RANGAP1: variants seen among roughly 807,000 people sequenced by gnomAD.
RANGAP1 encodes the protein ran GTPase-activating protein 1.
Under a neutral mutation model 63.5 loss-of-function variants are expected in RANGAP1, and 38 were observed. The ratio of observed to expected loss-of-function variants is 0.60; its 90% CI spans 0.46 to 0.78. The LOEUF is 0.78. Ranked by LOEUF, RANGAP1 falls within the 30% of genes least tolerant of loss-of-function variation. RANGAP1 has a pLI of 0.00. For missense variants in RANGAP1, 630 were observed against 740.3 expected (o/e 0.85, Z 1.73); for synonymous variants, 329 against 310.5 (o/e 1.06, Z -0.63).
the RANGAP1 span, among the ~76,000 whole-genome samples, chr22:41,293,011 G>A: frequency 2.6e-5 from 4 of 151,788 alleles, no homozygotes; most frequent in Admixed American, 6.6e-5. Context: ...CGAGGCGGGC[G>A]GATCACGAGG....
Position 41,246,592 on chromosome 22 carries a change from A to G in RANGAP1, c.*11T>C. Reference sequence around the variant, plus strand: ...ACTGGTCCAGGCCAAGGGATGGGAGAGGCTTTGAGTCTAGACCTTGTACAG... The same window carrying G: ...ACTGGTCCAGGCCAAGGGATGGGAGGGGCTTTGAGTCTAGACCTTGTACAG... On this transcript the variant is annotated 3_prime_UTR_variant, in exon 16 of 16. Coordinates refer to ENST00000356244, the MANE Select transcript of RANGAP1 (RefSeq NM_002883.4). The G allele has an allele frequency of 6.5e-7, 1 of 1,549,864 alleles. No individual in the cohort carries two copies. Among genetic ancestry groups the G allele is most frequent in the Non-Finnish European group, 8.8e-7 (1 of 1,139,062 alleles).
At chr22:41,279,035 C>T (rs2145838127) in intron 2 of RANGAP1, among the ~76,000 whole-genome samples, 1 of 152,304 alleles carries the variant, frequency 6.6e-6, no homozygotes, top group East Asian at 1.9e-4. Context: ...CCCAGCTACT[C>T]AGGAGGATGA....
chr22:41,251,192 G>T, intron 12 of RANGAP1, 83 bp from the exon 13 acceptor site: 2 of 1,114,568 alleles, frequency 1.8e-6, no homozygotes, highest in Non-Finnish European at 1.3e-6. Flanking sequence ...GAGAGGCCTG[G>T]GCAGTACAAA....
chr22:41,266,888 C>CTTTTTTTTTTTTTT (rs139523), intron 4 of RANGAP1, among the ~76,000 whole-genome samples: 1 of 137,130 alleles, frequency 7.3e-6, no homozygotes, highest in Non-Finnish European at 1.5e-5. Context: ...AATGAATTTC[C>CTTTTTTTTTTTTTT]TTTTTTTTTT....
chr22:41,272,092 C>A (rs941613112), intron 3 of RANGAP1, among the ~76,000 whole-genome samples: 4 of 152,214 alleles, frequency 2.6e-5, no homozygotes, highest in Non-Finnish European at 5.9e-5. Flanking sequence ...GAGCTGCACG[C>A]AGGGCAAGGC....
chr22:41,272,165 C>A (rs2034877491), intron 3 of RANGAP1, among the ~76,000 whole-genome samples: 1 of 152,196 alleles, frequency 6.6e-6, no homozygotes, highest in South Asian at 2.1e-4. Context: ...GCAAGCTCAG[C>A]TCCTGCTGAG....
At chr22:41,261,774 T>TG (rs202017005) in intron 5 of RANGAP1, among the ~76,000 whole-genome samples, 194 bp from the exon 6 acceptor site, 3,272 of 152,302 alleles carry the variant, frequency 0.021, 93 homozygotes, top group African/African-American at 0.074. Flanking sequence ...TTTTTATCTC[T>TG]AATGCTGTGT....
At chr22:41,294,661 G>A in the RANGAP1 span, among the ~76,000 whole-genome samples, 6 of 141,530 alleles carry the variant, frequency 4.2e-5, no homozygotes, top group African/African-American at 1.6e-4. Flanking sequence ...ATCTCTGCCC[G>A]GCCGCCCATC....
chr22:41,299,420 C>T, the RANGAP1 span, among the ~76,000 whole-genome samples: 1 of 152,074 alleles, frequency 6.6e-6, no homozygotes, highest in Non-Finnish European at 1.5e-5. Context: ...GCCTGAGCCA[C>T]CGCGCCCGGC....
At chr22:41,266,193 C>G (rs1323311624) in intron 4 of RANGAP1, among the ~76,000 whole-genome samples, 2 of 141,626 alleles carry the variant, frequency 1.4e-5, no homozygotes, top group Admixed American at 7.7e-5. Flanking sequence ...CAGAGTGAGA[C>G]TCCGCCTCAA....
At chr22:41,253,946 A>G (rs964331912) in intron 11 of RANGAP1, among the ~76,000 whole-genome samples, 1 of 152,004 alleles carries the variant, frequency 6.6e-6, no homozygotes, top group Non-Finnish European at 1.5e-5. Context: ...CGGCTCTACT[A>G]AAGATACAAA....
chr22:41,300,417 G>A, the RANGAP1 span, among the ~76,000 whole-genome samples: 29 of 104,994 alleles, frequency 2.8e-4, no homozygotes, highest in African/African-American at 1.0e-3. Flanking sequence ...TGCCTAGGGG[G>A]TATTGGGAAC....
At chr22:41,291,844 T>C in the RANGAP1 span, among the ~76,000 whole-genome samples, 1 of 151,368 alleles carries the variant, frequency 6.6e-6, no homozygotes. Flanking sequence ...GAGCTTGCAG[T>C]GAGCCGAGAT....
Position 41,254,303 on chromosome 22 carries a change from C to T in RANGAP1, c.1260+5G>A. ...CTCTGATTGTGGCAGATGATAGAAACTCACCCCAGTGTTAGGGTCCAGAAT... is the reference window on the plus strand; with the variant it reads ...CTCTGATTGTGGCAGATGATAGAAATTCACCCCAGTGTTAGGGTCCAGAAT... On this transcript the variant is annotated splice_donor_5th_base_variant and intron_variant, in intron 11 of 15. Transcript: ENST00000356244. The T allele has an allele frequency of 1.9e-6, 3 of 1,614,060 alleles. No individual in the cohort carries two copies. The highest frequency in any genetic ancestry group is 2.5e-6 in the Non-Finnish European group (3 of 1,179,996).
chr22:41,282,911 C>A (rs926172156), intron 1 of RANGAP1, among the ~76,000 whole-genome samples: 1 of 152,166 alleles, frequency 6.6e-6, no homozygotes, highest in Non-Finnish European at 1.5e-5. Context: ...CTAGGGGGTG[C>A]TATCCGAAAG....
At chr22:41,261,395 T>C (rs1467476622) in intron 6 of RANGAP1, 51 bp downstream of exon 6, 5 of 1,610,948 alleles carry the variant, frequency 3.1e-6, no homozygotes, top group African/African-American at 2.7e-5. Flanking sequence ...CAGCCTACTA[T>C]GCCGAGTGCA....
intron 2 of RANGAP1, among the ~76,000 whole-genome samples, chr22:41,279,004 G>A (rs1415224453): frequency 7.9e-5 from 12 of 152,332 alleles, no homozygotes; most frequent in South Asian, 2.1e-4. Flanking sequence ...TTAGCCGGGC[G>A]TGGTGGCGGG....
In RANGAP1 at chr22:41,249,394, G is replaced by T; in HGVS notation, c.1630C>A (p.His544Asn). 1 of 1,614,094 alleles carries T rather than the reference G, an allele frequency of 6.2e-7. No individual in the cohort carries two copies. ...NLYGPLMALN[H>N]MVQQDYFPKA... ...GGGAAATAGTCCTGCTGCACCATGT[G>T]GTTCAGCGCCATCAGGGGGCCGTAC... The change falls in exon 15 of 16, where the codon CAC becomes AAC. Residue 544 changes from histidine to asparagine, a missense_variant. Physicochemically the swap from His to Asn is moderately conservative, Grantham distance 68. Transcript: ENST00000356244.
chr22:41,262,269 T>G (rs963952047), intron 5 of RANGAP1, among the ~76,000 whole-genome samples: 14 of 152,124 alleles, frequency 9.2e-5, no homozygotes, highest in Non-Finnish European at 1.6e-4. Flanking sequence ...GGAAAAGCAC[T>G]GAAAAACGGA....
Sources: gnomAD v4.1 joint callset for allele counts (sites outside exome capture counted in the v4.1 genomes callset) on GRCh38, gnomAD v4.1.1 for gene constraint, MANE v1.5 for transcripts, NCBI Gene and HGNC (gene_info 2026-07-23, HGNC 2026-07-21) for gene names.